MCCC2: variants seen among roughly 807,000 people sequenced by gnomAD.
MCCC2 encodes the protein methylcrotonyl-CoA carboxylase subunit 2, also known as methylcrotonoyl-CoA carboxylase beta chain, mitochondrial.
Under a neutral mutation model 77.2 loss-of-function variants are expected in MCCC2, and 52 were observed. The observed-to-expected ratio is 0.67, with a 90% CI of 0.54 to 0.85. MCCC2 has a LOEUF of 0.85. Among genes scored for constraint, MCCC2 ranks in the 40% least tolerant of loss-of-function variants. The probability of loss-of-function intolerance (pLI) is 0.00; values close to 1 mark genes in which losing one functional copy is unlikely to be tolerated. For missense variants in MCCC2, 682 were observed against 703.2 expected (o/e 0.97, Z 0.34); for synonymous variants, 253 against 248.4 (o/e 1.02, Z -0.18).
rs760363054 is a variant in MCCC2 at position 71,643,854 on chromosome 5, G to A, written c.1108G>A (p.Val370Ile). 15 of 1,614,012 alleles carry A rather than the reference G, an allele frequency of 9.3e-6. No individual in the cohort carries two copies. The Admixed American group carries it at 1.5e-4, about 16-fold the overall frequency. ...ARIFGYPVGI[V>I]GNNGVLFSES... Reference sequence around the variant, plus strand: ...AATATTTGGGTACCCAGTAGGTATCGTTGGAAACAACGGAGTTCTCTTTTC... The same window carrying A: ...AATATTTGGGTACCCAGTAGGTATCATTGGAAACAACGGAGTTCTCTTTTC... The change falls in exon 12 of 17, where the codon GTT becomes ATT. Residue 370 changes from valine (V) to isoleucine (I), a missense_variant. Transcript: ENST00000340941.
At chr5:71,602,669 G>A (rs925746631) in intron 5 of MCCC2, 36 bp downstream of exon 5, 1 of 1,613,900 alleles carries the variant, frequency 6.2e-7, no homozygotes, top group Non-Finnish European at 8.5e-7. Context: ...ACTATTATTA[G>A]CTGGTAAAAT....
chr5:71,634,324 C>T (rs1746842985), intron 8 of MCCC2, among the ~76,000 whole-genome samples: 1 of 152,228 alleles, frequency 6.6e-6, no homozygotes, highest in Admixed American at 6.5e-5. Flanking sequence ...GCCCCTGCCA[C>T]AGAACCGTTT....
Position 71,635,154 on chromosome 5 carries a change from A to G in MCCC2, c.907A>G (p.Thr303Ala). 6.2e-7 allele frequency: 1 copy of G among 1,614,168 alleles called. No homozygotes were observed. Among genetic ancestry groups the G allele is most frequent in the Non-Finnish European group, 8.5e-7 (1 of 1,179,992 alleles). ...NLNYQKKLDV[T>A]IEPSEEPLFP... is the part of the protein sequence containing the mutation. ...AACATGATCTATATTTCTGCAGGTC[A>G]CCATTGAACCTTCTGAAGAGCCTTT... The change falls in exon 10 of 17, where the codon ACC becomes GCC. Residue 303 changes from threonine to alanine, a missense_variant. Transcript: ENST00000340941.
rs747945986 is a variant in MCCC2 at position 71,635,300 on chromosome 5, G to C, written c.999+54G>C. On this transcript the variant is annotated intron_variant, in intron 10 of 16. Transcript: ENST00000340941. ...TGACCAGCTGTGAGTCTCTTTGTAT[G>C]TGTATCTATTTGCAAAGCTAAAGTT... The C allele has an allele frequency of 3.4e-6, 5 of 1,482,072 alleles. No individual in the cohort carries two copies. In the Admixed American group the frequency reaches 8.4e-5, roughly 25 times the overall value. 91.8% of individuals were successfully genotyped at this position (1,482,072 alleles called of 1,614,324 possible). A position where few individuals can be genotyped will look rare whatever the true frequency, so the allele number is the denominator to read the frequency against.
Position 71,650,266 on chromosome 5 carries a change from G to A in MCCC2, c.1488+83G>A. ...GAGCCAAGGAGCAGCGTGCCTGGAA[G>A]CCCTTGGTGTTCATGGCTGGGGACC... On this transcript the variant is annotated intron_variant, in intron 15 of 16. Transcript: ENST00000340941. 7 of 1,170,420 alleles carry A rather than the reference G, an allele frequency of 6.0e-6. No individual in the cohort carries two copies. The Admixed American group carries it at 1.2e-4, about 21-fold the overall frequency. 72.5% of individuals were successfully genotyped at this position (1,170,420 alleles called of 1,614,324 possible).
At chr5:71,598,595 A>C (rs1356153693) in intron 3 of MCCC2, among the ~76,000 whole-genome samples, 1 of 144,578 alleles carries the variant, frequency 6.9e-6, no homozygotes, top group Non-Finnish European at 1.5e-5. Flanking sequence ...ACGTGCCTCC[A>C]CGCCTGGCTA....
At position 71,652,707 on chromosome 5, in the gene MCCC2, C is replaced by G; in HGVS notation, c.1527C>G (p.Ile509Met). Residue 509 changes from isoleucine (I) to methionine (M), a missense_variant, in exon 16 of 17, where the codon ATC (isoleucine) becomes ATG (methionine). Physicochemically the swap from Ile to Met is conservative, Grantham distance 10. Transcript: ENST00000340941. ...ATGAAGCGGCTTTAAAAGAGCCCATCATTAAGAAGTTTGAAGAGGAAGGAA... is the reference window on the plus strand; with the variant it reads ...ATGAAGCGGCTTTAAAAGAGCCCATGATTAAGAAGTTTGAAGAGGAAGGAA... ...SADEAALKEPIIKKFEEEGNP... is the reference protein window; with the variant it reads ...SADEAALKEPMIKKFEEEGNP... 1 of 1,614,134 alleles carries G rather than the reference C, an allele frequency of 6.2e-7. No homozygotes were observed.
intron 7 of MCCC2, among the ~76,000 whole-genome samples, chr5:71,630,259 T>C (rs937017409): frequency 6.6e-6 from 1 of 152,212 alleles, no homozygotes; most frequent in Non-Finnish European, 1.5e-5. Flanking sequence ...GGTGTAGTGC[T>C]GTAGCTTTTA....
At chr5:71,604,766 A>G (rs886917771) in intron 6 of MCCC2, among the ~76,000 whole-genome samples, 19 of 147,254 alleles carry the variant, frequency 1.3e-4, no homozygotes, top group Admixed American at 8.2e-4. Context: ...AGAGTGTGAT[A>G]TTCCCCTTCC....
At chr5:71,656,222 AAATAAT>A (rs530470608) in intron 16 of MCCC2, among the ~76,000 whole-genome samples, 1 of 152,140 alleles carries the variant, frequency 6.6e-6, no homozygotes, top group African/African-American at 2.4e-5. Flanking sequence ...TCCATCTCAA[AAATAAT>A]AATAATAATA....
At chr5:71,633,131 A>ATATATATATATATTTTTTTTTTTT (rs1554137344) in intron 8 of MCCC2, among the ~76,000 whole-genome samples, 1 of 78,096 alleles carries the variant, frequency 1.3e-5, no homozygotes, top group African/African-American at 5.1e-5. Context: ...ATATATATAT[A>ATATATATATATATTTTTTTTTTTT]TTTTTATTTT....
Position 71,646,252 on chromosome 5 carries a change from T to TGAAGAA in MCCC2, c.1191_1192insGAAGAA (p.Pro397_Leu398insGluGlu), listed in dbSNP as rs1331722753. On this transcript the variant is annotated inframe_insertion, in exon 13 of 17. Coordinates refer to ENST00000340941, the MANE Select transcript of MCCC2 (RefSeq NM_022132.5). ...AGTTATGCTGCCAAAGAAATATTCC[T>TGAAGAA]CTGCTGTTCCTTCAAAACATTACTG... 1.9e-6 allele frequency: 3 copies of TGAAGAA among 1,613,792 alleles called. No individual in the cohort carries two copies. The African/African-American group carries it at 4.0e-5, about 22-fold the overall frequency.
In MCCC2 at chr5:71,599,710, T is replaced by C. The variant is rs1745346787; in HGVS notation, c.333T>C (p.Asn111=). Residue 111 remains asparagine (N), a synonymous_variant, in exon 4 of 17, where the codon AAT becomes AAC. Transcript: ENST00000340941. ...SQFAGYQLYD[N]EEVPGGGIIT... ...TTGCAGGTTACCAGTTATATGACAA[T>C]GAGGAGGTGCCAGGAGGTGGCATTA... 1.2e-6 allele frequency: 2 copies of C among 1,614,122 alleles called. No individual in the cohort carries two copies. The highest frequency in any genetic ancestry group is 1.7e-6 in the Non-Finnish European group (2 of 1,180,016).
chr5:71,633,437 G>T (rs1252990054), intron 8 of MCCC2, among the ~76,000 whole-genome samples: 1 of 151,964 alleles, frequency 6.6e-6, no homozygotes, highest in Non-Finnish European at 1.5e-5. Context: ...AGTGAAAATT[G>T]TGAATAGTGC....
At chr5:71,641,308 T>C (rs951356202) in intron 11 of MCCC2, 1 of 521,304 alleles carries the variant, frequency 1.9e-6, no homozygotes, top group Non-Finnish European at 3.4e-6. Flanking sequence ...TGGGTCCCTA[T>C]CTGTGACTTT....
chr5:71,596,944 A>G (rs1009969803), intron 3 of MCCC2, among the ~76,000 whole-genome samples: 1 of 152,132 alleles, frequency 6.6e-6, no homozygotes, highest in African/African-American at 2.4e-5. Flanking sequence ...TGTCTCAAAA[A>G]AAAAAAAGAT....
chr5:71,650,042 T>C lies in MCCC2; in HGVS notation c.1374-27T>C, dbSNP rs764693711. On this transcript the variant is annotated intron_variant, in intron 14 of 16. Coordinates refer to ENST00000340941, the MANE Select transcript of MCCC2 (RefSeq NM_022132.5). The stretch of plus-strand genomic sequence containing the variant: ...ATCTATGTTGTATATTGACTTAATT[T>C]GTTTATTCTTCCTTTTCTTCCCCCA... 3 of 1,563,282 alleles carry C rather than the reference T, an allele frequency of 1.9e-6. No individual in the cohort carries two copies. In the East Asian group the frequency reaches 6.7e-5, roughly 35 times the overall value.
chr5:71,612,994 G>C (rs2112368138), intron 6 of MCCC2, among the ~76,000 whole-genome samples: 1 of 152,314 alleles, frequency 6.6e-6, no homozygotes, highest in African/African-American at 2.4e-5. Flanking sequence ...TCCAGCTCCT[G>C]GTGGCTCCAG....
intron 16 of MCCC2, among the ~76,000 whole-genome samples, chr5:71,654,536 A>G (rs892264112): frequency 6.6e-6 from 1 of 152,078 alleles, no homozygotes; most frequent in Non-Finnish European, 1.5e-5. Flanking sequence ...TATAAAATAT[A>G]TATTGTTAAG....
Sources: allele counts gnomAD v4.1 joint callset (sites outside exome capture counted in the v4.1 genomes callset), GRCh38; gene constraint gnomAD v4.1.1; transcripts MANE v1.5; gene names NCBI Gene and HGNC (gene_info 2026-07-23, HGNC 2026-07-21).